The following COLQ variants were observed in gnomAD, a reference collection of about 807,000 sequenced individuals.
COLQ encodes collagen like tail subunit of asymmetric acetylcholinesterase.
Under a neutral mutation model 69.0 loss-of-function variants are expected in COLQ, and 48 were observed. The observed-to-expected ratio is 0.70, with a 90% CI of 0.55 to 0.88. The LOEUF (loss-of-function observed/expected upper bound fraction) is 0.88. COLQ is among the 40% of genes least tolerant of loss of function. The probability of loss-of-function intolerance (pLI) is 0.00; values close to 1 mark genes in which losing one functional copy is unlikely to be tolerated. For missense variants in COLQ, 618 were observed against 594.6 expected (o/e 1.04, Z -0.41); for synonymous variants, 217 against 211.2 (o/e 1.03, Z -0.24).
intron 1 of COLQ, among the ~76,000 whole-genome samples, chr3:15,508,222 C>T (rs182580129): frequency 4.9e-4 from 74 of 152,298 alleles, no homozygotes; most frequent in African/African-American, 1.6e-3. Flanking sequence ...AAGCAGAACA[C>T]AAAAACAGTC....
chr3:15,482,517 G>A (rs1012575410), intron 3 of COLQ, among the ~76,000 whole-genome samples: 4 of 152,172 alleles, frequency 2.6e-5, no homozygotes, highest in African/African-American at 7.2e-5. Context: ...TACATTTATT[G>A]ATTTGCATAT....
intron 5 of COLQ, 148 bp from the exon 6 acceptor site, chr3:15,477,345 G>T (rs984454774): frequency 1.8e-5 from 12 of 683,576 alleles, no homozygotes; most frequent in Middle Eastern, 2.4e-4. Flanking sequence ...AAGACTGATG[G>T]CCTGACAAGC....
intron 1 of COLQ, among the ~76,000 whole-genome samples, chr3:15,491,134 A>G (rs574166323): frequency 6.6e-6 from 1 of 152,064 alleles, no homozygotes; most frequent in South Asian, 2.1e-4. Context: ...GAATGGTTAT[A>G]GTTTTATTTT....
chr3:15,513,454 G>A (rs1480973561), intron 1 of COLQ, among the ~76,000 whole-genome samples: 1 of 152,180 alleles, frequency 6.6e-6, no homozygotes, highest in Non-Finnish European at 1.5e-5. Flanking sequence ...GGGGTAAGCA[G>A]GAAGAAGAGA....
At chr3:15,484,407 T>C (rs565358301) in intron 3 of COLQ, among the ~76,000 whole-genome samples, 1 of 151,886 alleles carries the variant, frequency 6.6e-6, no homozygotes, top group Non-Finnish European at 1.5e-5. Context: ...GGCAGGCTCT[T>C]CTTGAGGAGT....
intron 12 of COLQ, among the ~76,000 whole-genome samples, chr3:15,462,017 ATTT>A (rs1559514191): frequency 6.9e-6 from 1 of 144,854 alleles, no homozygotes; most frequent in African/African-American, 2.8e-5. Flanking sequence ...TTATTTATTT[ATTT>A]ATTTATTTAT....
intron 3 of COLQ, among the ~76,000 whole-genome samples, chr3:15,484,369 T>C (rs1055410797): frequency 1.3e-5 from 2 of 152,218 alleles, no homozygotes; most frequent in African/African-American, 2.4e-5. Context: ...CTTTCCATGT[T>C]TAGTGCTTCC....
At chr3:15,466,548 G>A in intron 11 of COLQ, 111 bp from the exon 12 acceptor site, 1 of 848,838 alleles carries the variant, frequency 1.2e-6, no homozygotes. Flanking sequence ...AGAGCCCAGT[G>A]GGGGATGCAG....
In COLQ at chr3:15,488,192, TAGAGTGC is replaced by T. The variant is rs1270878292; in HGVS notation, c.321+7_321+13del. 1 of 1,600,544 alleles carries T rather than the reference TAGAGTGC, an allele frequency of 6.2e-7. No individual in the cohort carries two copies. The highest frequency in any genetic ancestry group is 1.1e-5 in the South Asian group (1 of 90,860). ...ACAGAAGACAGCGAGAGGGGTCCGGTAGAGTGCACCAACCTGGGGGCCGGGAGGCCCA... is the reference window on the plus strand; with the variant it reads ...ACAGAAGACAGCGAGAGGGGTCCGGTACCAACCTGGGGGCCGGGAGGCCCA... On this transcript the variant is annotated splice_region_variant and intron_variant, in intron 3 of 16. Coordinates refer to ENST00000383788, the MANE Select transcript of COLQ (RefSeq NM_005677.4).
rs771444359 is a variant in COLQ at position 15,458,335 on chromosome 3, AAC to A, written c.815-12_815-11del. 1 of 1,614,068 alleles carries A rather than the reference AAC, an allele frequency of 6.2e-7. No individual in the cohort carries two copies. The highest frequency in any genetic ancestry group is 1.1e-5 in the South Asian group (1 of 91,080). On this transcript the variant is annotated splice_polypyrimidine_tract_variant and intron_variant, in intron 12 of 16. Coordinates refer to ENST00000383788, the MANE Select transcript of COLQ (RefSeq NM_005677.4). ...CCCATTATAAGTTGTCCTAGGAAGCAACAGACTGCTGTGTTACTAGAGCCAAG... is the reference window on the plus strand; with the variant it reads ...CCCATTATAAGTTGTCCTAGGAAGCAAGACTGCTGTGTTACTAGAGCCAAG...
In COLQ at chr3:15,491,700, A is replaced by C. The variant is rs2062670866; in HGVS notation, c.107-2063T>G. Reference sequence around the variant, plus strand: ...AAATGAAATTCACAAATAGTACAGCACGCTGACAGACAATTTAAAAAATCA... The same window carrying C: ...AAATGAAATTCACAAATAGTACAGCCCGCTGACAGACAATTTAAAAAATCA... On this transcript the variant is annotated intron_variant, in intron 1 of 16. Coordinates refer to ENST00000383788, the MANE Select transcript of COLQ (RefSeq NM_005677.4). 2.0e-5 allele frequency among the ~76,000 whole-genome samples: 3 copies of C among 152,236 alleles called. No individual in the cohort carries two copies. In the South Asian group the frequency reaches 6.2e-4, roughly 31 times the overall value.
chr3:15,474,395 A>G, intron 8 of COLQ, 123 bp from the exon 9 acceptor site: 1 of 1,009,868 alleles, frequency 9.9e-7, no homozygotes, highest in Non-Finnish European at 1.6e-6. Flanking sequence ...ATAGGCTCAG[A>G]TATGTCAGGT....
At position 15,453,927 on chromosome 3, in the gene COLQ, A is replaced by G; in HGVS notation, c.1200T>C (p.Cys400=). The G allele has an allele frequency of 3.7e-6, 6 of 1,605,632 alleles. No individual in the cohort carries two copies. The highest frequency in any genetic ancestry group is 5.1e-6 in the Non-Finnish European group (6 of 1,175,602). ...GACCATCTCCACAGTAGGCACGGTG[A>G]CAGCCTGAGGGGACATAAGGAGGTG... is the stretch of plus-strand genomic sequence containing the variant. ...NSDVGDDCIR[C]HRAYCGDGHR... is the part of the protein sequence containing the mutation. Residue 400 remains cysteine, a synonymous_variant, in exon 16 of 17, where the codon TGT becomes TGC. Transcript: ENST00000383788.
At chr3:15,484,577 T>C (rs957147471) in intron 3 of COLQ, among the ~76,000 whole-genome samples, 2 of 152,370 alleles carry the variant, frequency 1.3e-5, no homozygotes, top group African/African-American at 4.8e-5. Context: ...TTTGGTCTTT[T>C]CACATAGTCC....
Position 15,470,609 on chromosome 3 carries a change from A to G in COLQ, c.644T>C (p.Met215Thr), listed in dbSNP as rs2062266247. 6.2e-7 allele frequency: 1 copy of G among 1,613,908 alleles called. No homozygotes were observed. The highest frequency in any genetic ancestry group is 1.1e-5 in the South Asian group (1 of 91,068). The change falls in exon 11 of 17, where the codon ATG (methionine) becomes ACG (threonine). Residue 215 changes from methionine to threonine, a missense_variant. By Grantham distance (81) the Met-to-Thr change is moderately conservative. Transcript: ENST00000383788. ...TATCCCAGGTTCACCTTTTGGACCCATTTCACCCTGGAAAGAAGGAAAGAG... is the reference window on the plus strand; with the variant it reads ...TATCCCAGGTTCACCTTTTGGACCCGTTTCACCCTGGAAAGAAGGAAAGAG... Reference protein sequence around the residue: ...FPGMLGQKGEMGPKGEPGIAG... With the variant: ...FPGMLGQKGETGPKGEPGIAG...
At chr3:15,511,066 G>A (rs1014629529) in intron 1 of COLQ, among the ~76,000 whole-genome samples, 1 of 152,114 alleles carries the variant, frequency 6.6e-6, no homozygotes, top group African/African-American at 2.4e-5. Context: ...TGCTAATTCT[G>A]TAAATTTGCA....
intron 11 of COLQ, 145 bp downstream of exon 11, chr3:15,470,391 G>A (rs1004580240): frequency 6.5e-6 from 5 of 767,192 alleles, no homozygotes; most frequent in Admixed American, 1.9e-5. Flanking sequence ...TCTGGAAGTG[G>A]TGCTGCTCCC....
In COLQ at chr3:15,488,113, C is replaced by T. The variant is rs961654222; in HGVS notation, c.321+93G>A. ...GAGAAGGAAAAACAGCTTTGTATCA[C>T]ATGAGAAAGAGCAGACACTAAGAGG... On this transcript the variant is annotated intron_variant, in intron 3 of 16. Coordinates refer to ENST00000383788, the MANE Select transcript of COLQ (RefSeq NM_005677.4). 1.1e-5 allele frequency: 10 copies of T among 914,286 alleles called. No homozygotes were observed. The African/African-American group carries it at 1.5e-4, about 14-fold the overall frequency. The allele number at this position is 914,286 out of a possible 1,614,324, so 56.6% of individuals were successfully genotyped here.
intron 11 of COLQ, among the ~76,000 whole-genome samples, chr3:15,469,502 C>T (rs962050147): frequency 6.6e-6 from 1 of 152,132 alleles, no homozygotes; most frequent in Non-Finnish European, 1.5e-5. Flanking sequence ...AGTTTGAAAA[C>T]TGGACTGGAT....
Sources: allele counts gnomAD v4.1 joint callset (sites outside exome capture counted in the v4.1 genomes callset), GRCh38; gene constraint gnomAD v4.1.1; transcripts MANE v1.5; gene names NCBI Gene and HGNC (gene_info 2026-07-23, HGNC 2026-07-21).